SUPT3H: variants seen among roughly 807,000 people sequenced by gnomAD.
The protein encoded by SUPT3H is SPT3 homolog, SAGA and STAGA complex component.
Under a neutral mutation model 44.3 loss-of-function variants are expected in SUPT3H, and 44 were observed. That is an observed-to-expected ratio of 0.99 (90% CI 0.78 to 1.28). SUPT3H has a LOEUF of 1.28. Among genes scored for constraint, SUPT3H ranks in the 50% most tolerant of loss-of-function variants. The pLI is 0.00. For synonymous variants in SUPT3H, 124 were observed against 125.6 expected, an observed-to-expected ratio of 0.99 and a Z score of 0.09; for missense variants, 380 against 387.1, an observed-to-expected ratio of 0.98 and a Z score of 0.15.
intron 11 of SUPT3H, among the ~76,000 whole-genome samples, chr6:44,816,387 A>G (rs1766911494): frequency 6.6e-6 from 1 of 152,212 alleles, no homozygotes; most frequent in Non-Finnish European, 1.5e-5. Flanking sequence ...GGGACAAATA[A>G]GAGACAAACT....
At chr6:45,353,026 A>C (rs1427930248) in intron 2 of SUPT3H, among the ~76,000 whole-genome samples, 2 of 152,100 alleles carry the variant, frequency 1.3e-5, no homozygotes, top group Non-Finnish European at 2.9e-5. Context: ...ATATTAAAGA[A>C]AACTGAGAAG....
In SUPT3H at chr6:44,827,486, C is replaced by G. The variant is rs923660012; in HGVS notation, c.*2330G>C. Reference sequence around the variant, plus strand: ...TTATTGAGTGATCTTAGGAAACTCACTTTCCCTCTCTAGGCCATGGTTTTT... The same window carrying G: ...TTATTGAGTGATCTTAGGAAACTCAGTTTCCCTCTCTAGGCCATGGTTTTT... On this transcript the variant is annotated 3_prime_UTR_variant, in exon 11 of 11. Coordinates refer to ENST00000371459, the MANE Select transcript of SUPT3H (RefSeq NM_003599.4). Among the ~76,000 whole-genome samples the G allele has an allele frequency of 2.6e-5, 4 of 151,714 alleles. No homozygotes were observed. The highest frequency in any genetic ancestry group is 7.3e-5 in the African/African-American group (3 of 41,378).
chr6:45,295,524 C>CAAAAAAAAAA lies in SUPT3H; in HGVS notation c.101+69667_101+69676dup, dbSNP rs752887669. Among the ~76,000 whole-genome samples the CAAAAAAAAAA allele has an allele frequency of 3.5e-4, 14 of 40,086 alleles. 1 individual carries two copies. The highest frequency in any genetic ancestry group is 4.4e-4 in the Non-Finnish European group (10 of 22,700). The allele number at this position is 40,086 out of a possible 152,430, so 26.3% of individuals were successfully genotyped here. A position where few individuals can be genotyped will look rare whatever the true frequency, so the allele number is the denominator to read the frequency against. On this transcript the variant is annotated intron_variant, in intron 2 of 10. Transcript: ENST00000371459. Reference sequence around the variant, plus strand: ...ATTAAACGAAAGAGCTTTTGCACAGCAAAAAAAAAAAAAAAAAAAAAAAAA... The same window carrying CAAAAAAAAAA: ...ATTAAACGAAAGAGCTTTTGCACAGCAAAAAAAAAAAAAAAAAAAAAAAAAAAAAAAAAAA...
At chr6:45,037,273 T>A in intron 3 of SUPT3H, among the ~76,000 whole-genome samples, 1 of 147,198 alleles carries the variant, frequency 6.8e-6, no homozygotes. Flanking sequence ...TGGAAGGGGG[T>A]AAGAAATGGA....
At chr6:45,128,458 T>C (rs552344955) in intron 2 of SUPT3H, among the ~76,000 whole-genome samples, 2 of 126,640 alleles carry the variant, frequency 1.6e-5, no homozygotes, top group South Asian at 5.6e-4. Flanking sequence ...TGAGCCGAGA[T>C]TGCACCACTG....
chr6:45,247,690 A>AT (rs10673729), intron 2 of SUPT3H, among the ~76,000 whole-genome samples: 4,752 of 144,722 alleles, frequency 0.033, 233 homozygotes, highest in East Asian at 0.15. Context: ...TTCTTTTTCC[A>AT]TTTTTTTTTT....
At chr6:45,117,466 A>G (rs185737652) in intron 2 of SUPT3H, among the ~76,000 whole-genome samples, 1 of 152,170 alleles carries the variant, frequency 6.6e-6, no homozygotes, top group East Asian at 1.9e-4. Context: ...AGATTCCAAA[A>G]TTTTTCTTGA....
At chr6:44,883,367 A>T (rs1320104357) in intron 10 of SUPT3H, among the ~76,000 whole-genome samples, 1 of 152,230 alleles carries the variant, frequency 6.6e-6, no homozygotes, top group African/African-American at 2.4e-5. Flanking sequence ...TGCTCAAGAA[A>T]ATAAGAGAGG....
intron 1 of SUPT3H, among the ~76,000 whole-genome samples, chr6:45,369,514 T>A (rs1362029950): frequency 1.3e-5 from 2 of 152,136 alleles, no homozygotes; most frequent in African/African-American, 2.4e-5. Context: ...TGACATCATC[T>A]TCTACTTCCA....
At chr6:45,131,292 T>G (rs1449950165) in intron 2 of SUPT3H, among the ~76,000 whole-genome samples, 1 of 152,198 alleles carries the variant, frequency 6.6e-6, no homozygotes, top group Non-Finnish European at 1.5e-5. Context: ...TTTTCCTCAG[T>G]GTTCTGCCTA....
At chr6:45,207,046 G>C (rs1763321755) in intron 2 of SUPT3H, among the ~76,000 whole-genome samples, 1 of 152,064 alleles carries the variant, frequency 6.6e-6, no homozygotes, top group Admixed American at 6.6e-5. Context: ...TATAGGTTAA[G>C]TTTAGATAGA....
intron 2 of SUPT3H, among the ~76,000 whole-genome samples, chr6:45,190,101 T>C (rs955359589): frequency 4.6e-5 from 7 of 152,180 alleles, no homozygotes; most frequent in African/African-American, 1.7e-4. Context: ...ACTTCAACTG[T>C]TGCGTTAAAC....
At chr6:45,242,261 A>AAT (rs1770498081) in intron 2 of SUPT3H, among the ~76,000 whole-genome samples, 1 of 152,250 alleles carries the variant, frequency 6.6e-6, no homozygotes, top group Admixed American at 6.5e-5. Context: ...AAGGACAGGG[A>AAT]TAGAACATAG....
intron 10 of SUPT3H, among the ~76,000 whole-genome samples, chr6:44,887,191 C>T (rs1582232255): frequency 6.6e-6 from 1 of 152,132 alleles, no homozygotes; most frequent in South Asian, 2.1e-4. Context: ...ACCCCACTGT[C>T]AACATTAGAC....
At chr6:44,910,055 T>G (rs1361407754) in intron 10 of SUPT3H, among the ~76,000 whole-genome samples, 2 of 152,096 alleles carry the variant, frequency 1.3e-5, no homozygotes, top group African/African-American at 4.8e-5. Flanking sequence ...TGGGCTGCAG[T>G]TCCCTCTGCT....
intron 2 of SUPT3H, among the ~76,000 whole-genome samples, chr6:45,225,321 T>G (rs951152005): frequency 6.6e-6 from 1 of 151,462 alleles, no homozygotes; most frequent in African/African-American, 2.4e-5. Context: ...CAATCTATAC[T>G]GTCAGACAGG....
intron 10 of SUPT3H, among the ~76,000 whole-genome samples, chr6:44,924,852 T>C (rs1769278944): frequency 6.6e-6 from 1 of 152,122 alleles, no homozygotes; most frequent in Admixed American, 6.5e-5. Flanking sequence ...TCACTTCCAG[T>C]AAAAACACAT....
At chr6:45,171,825 C>A (rs1810839127) in intron 2 of SUPT3H, among the ~76,000 whole-genome samples, 1 of 135,384 alleles carries the variant, frequency 7.4e-6, no homozygotes, top group Non-Finnish European at 1.5e-5. Context: ...TCAAGCGATT[C>A]TCCTGCCTCA....
At chr6:44,823,458 G>A (rs1021956468), downstream of SUPT3H, among the ~76,000 whole-genome samples, 1 of 152,136 alleles carries the variant, frequency 6.6e-6, no homozygotes, top group African/African-American at 2.4e-5. Flanking sequence ...CATTGCCATG[G>A]AAGGGCTCCC....
Sources: allele counts gnomAD v4.1 joint callset (sites outside exome capture counted in the v4.1 genomes callset), GRCh38; gene constraint gnomAD v4.1.1; transcripts MANE v1.5; gene names NCBI Gene and HGNC (gene_info 2026-07-23, HGNC 2026-07-21).